Variants in ARB2A observed in about 807,000 individuals in gnomAD.
ARB2A encodes ARB2 cotranscriptional regulator A.
the ARB2A span, among the ~76,000 whole-genome samples, chr5:93,732,257 G>T: frequency 2.0e-5 from 3 of 152,128 alleles, no homozygotes; most frequent in African/African-American, 7.2e-5. Context: ...GTAATCACAG[G>T]AACTGACCTT....
chr5:93,896,388 A>G, the ARB2A span, among the ~76,000 whole-genome samples: 1 of 152,106 alleles, frequency 6.6e-6, no homozygotes, highest in Non-Finnish European at 1.5e-5. Context: ...TCCAAACTTT[A>G]TTTCATGTAC....
At chr5:93,720,590 G>C in the ARB2A span, among the ~76,000 whole-genome samples, 165 of 152,076 alleles carry the variant, frequency 1.1e-3, 1 homozygote, top group Non-Finnish European at 2.0e-3. Context: ...GGACCATTAA[G>C]AGAAAAAATG....
chr5:94,102,609 T>C, the ARB2A span, among the ~76,000 whole-genome samples: 8 of 152,062 alleles, frequency 5.3e-5, no homozygotes, highest in Non-Finnish European at 7.4e-5. Flanking sequence ...TTAAAAATTA[T>C]GAAAATTTCC....
chr5:93,699,644 TC>T, the ARB2A span, among the ~76,000 whole-genome samples: 2 of 151,986 alleles, frequency 1.3e-5, no homozygotes, highest in Non-Finnish European at 2.9e-5. Context: ...AAATCTGTCC[TC>T]CCCTGGAGCT....
chr5:93,797,043 C>T, the ARB2A span, among the ~76,000 whole-genome samples: 1 of 152,074 alleles, frequency 6.6e-6, no homozygotes, highest in Non-Finnish European at 1.5e-5. Flanking sequence ...AGTTGATATA[C>T]TAGTGAACCA....
the ARB2A span, among the ~76,000 whole-genome samples, chr5:93,907,239 A>C: frequency 6.6e-6 from 1 of 151,486 alleles, no homozygotes; most frequent in Non-Finnish European, 1.5e-5. Flanking sequence ...TGAATGATTA[A>C]TTTTGTTTCT....
At chr5:94,084,274 C>CAAAAAAAAAA in the ARB2A span, among the ~76,000 whole-genome samples, 1 of 73,100 alleles carries the variant, frequency 1.4e-5, no homozygotes, top group Non-Finnish European at 2.8e-5. Flanking sequence ...AACTTCATCT[C>CAAAAAAAAAA]AAAAAAAAAA....
the ARB2A span, among the ~76,000 whole-genome samples, chr5:94,094,607 C>G: frequency 6.6e-6 from 1 of 152,166 alleles, no homozygotes; most frequent in African/African-American, 2.4e-5. Flanking sequence ...TTAGAAGATG[C>G]ATTACTTCAA....
At chr5:93,652,036 T>A in the ARB2A span, among the ~76,000 whole-genome samples, 1 of 152,084 alleles carries the variant, frequency 6.6e-6, no homozygotes, top group African/African-American at 2.4e-5. Context: ...GAGGAAGTGA[T>A]GGGACAAAGA....
chr5:94,052,106 CCACCA>C, the ARB2A span, among the ~76,000 whole-genome samples: 4 of 152,136 alleles, frequency 2.6e-5, no homozygotes, highest in African/African-American at 9.7e-5. Context: ...CAGACATGAG[CCACCA>C]CACCTGGCCA....
At chr5:94,105,378 C>G in the ARB2A span, among the ~76,000 whole-genome samples, 2 of 152,056 alleles carry the variant, frequency 1.3e-5, no homozygotes, top group Non-Finnish European at 2.9e-5. Flanking sequence ...AATGCAATCC[C>G]ATTCACAATA....
the ARB2A span, among the ~76,000 whole-genome samples, chr5:93,657,276 G>A: frequency 6.6e-6 from 1 of 152,144 alleles, no homozygotes; most frequent in African/African-American, 2.4e-5. Flanking sequence ...TGGGAAAACT[G>A]GGATGCAGTT....
the ARB2A span, among the ~76,000 whole-genome samples, chr5:93,772,961 C>T: frequency 6.6e-6 from 1 of 152,246 alleles, no homozygotes; most frequent in Non-Finnish European, 1.5e-5. Flanking sequence ...GAAGACTCAG[C>T]TGTGACTGCT....
the ARB2A span, among the ~76,000 whole-genome samples, chr5:93,948,991 C>T: frequency 9.2e-5 from 14 of 152,218 alleles, no homozygotes; most frequent in African/African-American, 2.9e-4. Context: ...TAGCTCCCAC[C>T]TCTCAGTCCC....
chr5:93,626,046 T>G, the ARB2A span, among the ~76,000 whole-genome samples: 2 of 152,328 alleles, frequency 1.3e-5, no homozygotes, highest in African/African-American at 4.8e-5. Context: ...GTAATCAAAG[T>G]ATGCTACTGA....
chr5:93,705,649 GTGTATATATA>G, the ARB2A span, among the ~76,000 whole-genome samples: 288 of 141,348 alleles, frequency 2.0e-3, no homozygotes, highest in African/African-American at 7.3e-3. Flanking sequence ...GTGTGTGTGT[GTGTATATATA>G]TATATATATG....
chr5:93,620,683 T>C, the ARB2A span: 2 of 256,198 alleles, frequency 7.8e-6, no homozygotes, highest in Non-Finnish European at 1.5e-5. Context: ...CGCGGTCTCC[T>C]TCAGGGCAAT....
chr5:93,738,823 TTA>T, the ARB2A span: 1 of 152,158 alleles, frequency 6.6e-6, no homozygotes, highest in Non-Finnish European at 1.5e-5. Context: ...TGAGAAGAGT[TTA>T]TGTTTGGAGT....
chr5:93,858,841 T>C, the ARB2A span, among the ~76,000 whole-genome samples: 5 of 152,184 alleles, frequency 3.3e-5, no homozygotes, highest in African/African-American at 9.7e-5. Flanking sequence ...AACATTTTGT[T>C]AATATAGACA....
Sources: allele counts gnomAD v4.1 joint callset (sites outside exome capture counted in the v4.1 genomes callset), GRCh38; gene constraint gnomAD v4.1.1; transcripts MANE v1.5; gene names NCBI Gene and HGNC (gene_info 2026-07-23, HGNC 2026-07-21).